The following ITGB3BP variants were observed in gnomAD, a reference collection of about 807,000 sequenced individuals.
ITGB3BP encodes integrin subunit beta 3 binding protein, also known as centromere protein R.
A neutral mutation model predicts 29.1 loss-of-function variants in ITGB3BP; 27 were observed. That is an observed-to-expected ratio of 0.93 (90% CI 0.68 to 1.28). The LOEUF is 1.28. ITGB3BP is among the 50% of genes most tolerant of loss of function. The probability of loss-of-function intolerance (pLI) is 0.00; values close to 1 mark genes in which losing one functional copy is unlikely to be tolerated. For synonymous variants in ITGB3BP, 61 were observed against 61.4 expected, an observed-to-expected ratio of 0.99 and a Z score of 0.03; for missense variants, 192 against 200.2, an observed-to-expected ratio of 0.96 and a Z score of 0.25.
chr1:63,502,654 T>A (rs1242483041), intron 2 of ITGB3BP, among the ~76,000 whole-genome samples: 3 of 136,038 alleles, frequency 2.2e-5, no homozygotes, highest in African/African-American at 8.1e-5. Flanking sequence ...CCTAATGCTA[T>A]CCCTCTCCCC....
chr1:63,472,924 G>A (rs965669622), intron 4 of ITGB3BP, among the ~76,000 whole-genome samples: 10 of 152,008 alleles, frequency 6.6e-5, no homozygotes, highest in South Asian at 2.1e-4. Context: ...GAGCGTCTCT[G>A]CCTGGCCGCC....
In ITGB3BP at chr1:63,472,707, C is replaced by CCG. The variant is rs1200878998; in HGVS notation, c.254+6055_254+6056dup. Among the ~76,000 whole-genome samples the CCG allele has an allele frequency of 2.0e-5, 3 of 151,170 alleles. No homozygotes were observed. The East Asian group carries it at 5.9e-4, about 30-fold the overall frequency. ...GGCCGGGCTGGTCTCCAGCTCCTAA[C>CCG]CGCGAGTGATCCGCCAGCCTCGGCC... On this transcript the variant is annotated intron_variant, in intron 4 of 8. Coordinates refer to ENST00000271002, the MANE Select transcript of ITGB3BP (RefSeq NM_014288.5).
upstream of ITGB3BP, chr1:63,523,284 C>T (rs1646506762): frequency 9.1e-6 from 9 of 990,786 alleles, no homozygotes; most frequent in Non-Finnish European, 1.4e-5. Context: ...AACATCCTCC[C>T]CGCGACGAAG....
chr1:63,518,503 T>C (rs1646383331), intron 1 of ITGB3BP, among the ~76,000 whole-genome samples: 4 of 152,146 alleles, frequency 2.6e-5, no homozygotes, highest in African/African-American at 4.8e-5. Flanking sequence ...TTCATCTAAG[T>C]ACAATTTACC....
intron 4 of ITGB3BP, among the ~76,000 whole-genome samples, chr1:63,465,231 AAGAG>A (rs371576796): frequency 1.3e-5 from 2 of 152,184 alleles, no homozygotes; most frequent in African/African-American, 2.4e-5. Context: ...ACATGTGTGA[AAGAG>A]AGAATGAAAG....
intron 4 of ITGB3BP, among the ~76,000 whole-genome samples, chr1:63,469,934 G>C (rs1645167663): frequency 6.6e-6 from 1 of 152,340 alleles, no homozygotes; most frequent in East Asian, 1.9e-4. Flanking sequence ...ATGAGGGCAA[G>C]GAACACCTGG....
At position 63,454,007 on chromosome 1, in the gene ITGB3BP, A is replaced by C. The variant is rs1366864573; in HGVS notation, c.428-33T>G. The C allele has an allele frequency of 8.0e-7, 1 of 1,243,692 alleles. No homozygotes were observed. Among genetic ancestry groups the C allele is most frequent in the Admixed American group, 1.9e-5 (1 of 53,784 alleles). The allele number at this position is 1,243,692 out of a possible 1,614,324, so 77.0% of individuals were successfully genotyped here. On this transcript the variant is annotated intron_variant, in intron 6 of 8. Transcript: ENST00000271002. This position sits in a 1 kb window ranked among gnomAD's most constrained non-coding sequence, Gnocchi z 4.1. ...AAGTAAAAATCCCATGTCAAGAATT[A>C]ACATAGAATATGGATAATTTCTCAA... is the stretch of plus-strand genomic sequence containing the variant.
intron 2 of ITGB3BP, among the ~76,000 whole-genome samples, chr1:63,528,523 C>G (rs1418609941): frequency 6.6e-6 from 1 of 151,524 alleles, no homozygotes; most frequent in African/African-American, 2.4e-5. Flanking sequence ...CAGGGTGACA[C>G]TAGTAAAAAA....
At chr1:63,457,213 C>A (rs1644947891) in intron 4 of ITGB3BP, 2 of 151,888 alleles carry the variant, frequency 1.3e-5, no homozygotes. Flanking sequence ...CTGAAAAATT[C>A]TTTTTTTTCA....
At chr1:63,466,336 A>G (rs1234522545) in intron 4 of ITGB3BP, among the ~76,000 whole-genome samples, 1 of 152,244 alleles carries the variant, frequency 6.6e-6, no homozygotes, top group Non-Finnish European at 1.5e-5. Flanking sequence ...ACACATGTGG[A>G]ACACTGGATG....
At chr1:63,501,731 C>T (rs1645935407) in intron 2 of ITGB3BP, among the ~76,000 whole-genome samples, 1 of 151,840 alleles carries the variant, frequency 6.6e-6, no homozygotes, top group Non-Finnish European at 1.5e-5. Flanking sequence ...GCATAGAGGC[C>T]TGTGCCTGTA....
intron 4 of ITGB3BP, among the ~76,000 whole-genome samples, chr1:63,460,182 T>C (rs1307468292): frequency 6.6e-6 from 1 of 152,224 alleles, no homozygotes; most frequent in Non-Finnish European, 1.5e-5. Flanking sequence ...CATTTTTAAA[T>C]GTACAATTCA....
At chr1:63,512,829 T>C (rs1039417231) in intron 1 of ITGB3BP, among the ~76,000 whole-genome samples, 1 of 152,212 alleles carries the variant, frequency 6.6e-6, no homozygotes, top group African/African-American at 2.4e-5. Context: ...CTGAGTATGC[T>C]TGTGAGATTC....
chr1:63,516,347 C>CA (rs1570332668), intron 1 of ITGB3BP, among the ~76,000 whole-genome samples: 1 of 7,550 alleles, frequency 1.3e-4, no homozygotes, highest in Non-Finnish European at 2.4e-4. Context: ...GGAAGCGGAG[C>CA]GGGGGAAGGT....
intron 7 of ITGB3BP, among the ~76,000 whole-genome samples, chr1:63,452,918 G>A (rs1644882109): frequency 6.6e-6 from 1 of 152,120 alleles, no homozygotes; most frequent in Non-Finnish European, 1.5e-5. Flanking sequence ...ATACCAGATT[G>A]GGTGAAGCAG....
chr1:63,509,830 T>C (rs1186918621), intron 1 of ITGB3BP, among the ~76,000 whole-genome samples: 1 of 152,236 alleles, frequency 6.6e-6, no homozygotes, highest in African/African-American at 2.4e-5. Flanking sequence ...TTAAAATTTA[T>C]ATTTAGCTTT....
chr1:63,511,814 C>A (rs1021258754), intron 1 of ITGB3BP, among the ~76,000 whole-genome samples: 1 of 151,792 alleles, frequency 6.6e-6, no homozygotes, highest in Non-Finnish European at 1.5e-5. Flanking sequence ...TTAATGGGTA[C>A]AGACTTTCAG....
chr1:63,498,100 T>C (rs1036827876), intron 2 of ITGB3BP, among the ~76,000 whole-genome samples: 12 of 152,138 alleles, frequency 7.9e-5, no homozygotes, highest in Non-Finnish European at 1.2e-4. Context: ...AAAATTCAAC[T>C]ATAATAGTTG....
chr1:63,508,707 C>G (rs1321469688), intron 1 of ITGB3BP, 137 bp from the exon 2 acceptor site: 1 of 472,536 alleles, frequency 2.1e-6, no homozygotes, highest in African/African-American at 2.0e-5. Flanking sequence ...AAGCAGAATA[C>G]CATATGAAGA....
Sources: allele counts gnomAD v4.1 joint callset (sites outside exome capture counted in the v4.1 genomes callset), GRCh38; gene constraint gnomAD v4.1.1; non-coding constraint Gnocchi (gnomAD v3.1); transcripts MANE v1.5; gene names NCBI Gene and HGNC (gene_info 2026-07-23, HGNC 2026-07-21).